Variants in MYO5C observed in about 807,000 individuals in gnomAD.
The protein encoded by MYO5C is myosin VC.
Under a neutral mutation model 235.7 loss-of-function variants are expected in MYO5C, and 194 were observed. The ratio of observed to expected loss-of-function variants is 0.82; its 90% CI spans 0.73 to 0.93. MYO5C has a LOEUF of 0.93. Among genes scored for constraint, MYO5C ranks in the 40% least tolerant of loss-of-function variants. The pLI is 0.00. For missense variants in MYO5C, 2,038 were observed against 2,127.2 expected (o/e 0.96, Z 0.82); for synonymous variants, 707 against 754.8 (o/e 0.94, Z 1.04).
chr15:52,264,707 A>T (rs2059427338), intron 8 of MYO5C, among the ~76,000 whole-genome samples: 1 of 152,240 alleles, frequency 6.6e-6, no homozygotes, highest in African/African-American at 2.4e-5. Flanking sequence ...TTGCCCCTCC[A>T]GATTCTCTGC....
intron 11 of MYO5C, 125 bp from the exon 12 acceptor site, chr15:52,253,582 C>A: frequency 1.1e-6 from 1 of 919,206 alleles, no homozygotes; most frequent in Non-Finnish European, 1.6e-6. Context: ...AAAAGAAGGA[C>A]CCTGAAGTAT....
At chr15:52,242,261 A>C (rs755804792) in intron 19 of MYO5C, 48 bp from the exon 20 acceptor site, 3 of 1,557,194 alleles carry the variant, frequency 1.9e-6, no homozygotes, top group Non-Finnish European at 2.6e-6. Flanking sequence ...CAGAGCATCA[A>C]CTTCCATAAC....
Position 52,218,633 on chromosome 15 carries a change from A to G in MYO5C, c.3840T>C (p.Asp1280=). Residue 1280 remains aspartate, a synonymous_variant, in exon 32 of 41, where the codon GAT becomes GAC. Transcript: ENST00000261839. ...IHTKEKEKLI[D]KIQEMQEASD... Reference sequence around the variant, plus strand: ...TGGCCTCCTGCATTTCTTGAATCTTATCAATCAGCTTCTCCTTCTCTTTGG... The same window carrying G: ...TGGCCTCCTGCATTTCTTGAATCTTGTCAATCAGCTTCTCCTTCTCTTTGG... 3.1e-6 allele frequency: 5 copies of G among 1,614,176 alleles called. No homozygotes were observed. The highest frequency in any genetic ancestry group is 4.2e-6 in the Non-Finnish European group (5 of 1,180,038).
intron 20 of MYO5C, 105 bp from the exon 21 acceptor site, chr15:52,239,984 T>C (rs2036176543): frequency 6.4e-6 from 8 of 1,241,710 alleles, no homozygotes; most frequent in Non-Finnish European, 8.8e-6. Flanking sequence ...AAAATGAGTT[T>C]CTTCTTGTCA....
Position 52,211,899 on chromosome 15 carries a change from G to C in MYO5C, c.4142-15C>G. ...GGGCTTCAAGTCTGAAGCAGAGAGA[G>C]CCAATGAGGATTACAGCTGACAGGT... On this transcript the variant is annotated splice_polypyrimidine_tract_variant and intron_variant, in intron 34 of 40. Transcript: ENST00000261839. 1 of 1,612,020 alleles carries C rather than the reference G, an allele frequency of 6.2e-7. No homozygotes were observed. The highest frequency in any genetic ancestry group is 8.5e-7 in the Non-Finnish European group (1 of 1,178,888).
intron 24 of MYO5C, among the ~76,000 whole-genome samples, chr15:52,232,339 A>AGGAAGG (rs1596168818): frequency 2.0e-5 from 3 of 151,692 alleles, no homozygotes; most frequent in South Asian, 4.2e-4. Flanking sequence ...GAGAGAAAGA[A>AGGAAGG]AGAAGAGAAA....
chr15:52,214,212 C>T (rs893172239), intron 33 of MYO5C, among the ~76,000 whole-genome samples: 5 of 152,190 alleles, frequency 3.3e-5, no homozygotes, highest in African/African-American at 1.2e-4. Flanking sequence ...AGGATGTCTG[C>T]TTCTTAGCTC....
In MYO5C at chr15:52,295,689, G is replaced by T. The variant is rs1596245443; in HGVS notation, c.-53C>A. 6 of 1,261,612 alleles carry T rather than the reference G, an allele frequency of 4.8e-6. No homozygotes were observed. Among genetic ancestry groups the T allele is most frequent in the African/African-American group, 4.7e-5 (3 of 63,854 alleles). 78.2% of individuals were successfully genotyped at this position (1,261,612 alleles called of 1,614,324 possible). On this transcript the variant is annotated 5_prime_UTR_variant, in exon 1 of 41. Coordinates refer to ENST00000261839, the MANE Select transcript of MYO5C (RefSeq NM_018728.4). ...GGCTGCCGAACGTGCGAGGCTCGGG[G>T]GCTGGGCCTGCGCCGCAGAGGCCGG...
In MYO5C at chr15:52,232,667, G is replaced by T. The variant is rs752562016; in HGVS notation, c.2981C>A (p.Thr994Asn). Reference protein sequence around the residue: ...EELKEKMDNLTKQLFDDVQKE... With the variant: ...EELKEKMDNLNKQLFDDVQKE... ...TTGTACATCATCAAAGAGCTGCTTG[G>T]TGAGGTTGTCCATTTTTTCTGTAAA... Residue 994 changes from threonine (T) to asparagine (N), a missense_variant, in exon 24 of 41, where the codon ACC (threonine) becomes AAC (asparagine). Transcript: ENST00000261839. The T allele has an allele frequency of 6.2e-7, 1 of 1,613,656 alleles. No homozygotes were observed. The highest frequency in any genetic ancestry group is 1.7e-5 in the Admixed American group (1 of 59,946).
Position 52,232,751 on chromosome 15 carries a change from G to A in MYO5C, c.2963-66C>T, listed in dbSNP as rs546181981. ...CAATGCCTTGATTGTTTCATGTTATGTTTAAGAAAGTGAGAATGTCAGGAC... is the reference window on the plus strand; with the variant it reads ...CAATGCCTTGATTGTTTCATGTTATATTTAAGAAAGTGAGAATGTCAGGAC... On this transcript the variant is annotated intron_variant, in intron 23 of 40. Transcript: ENST00000261839. The A allele has an allele frequency of 1.2e-5, 17 of 1,361,426 alleles. No individual in the cohort carries two copies. In the East Asian group the frequency reaches 3.4e-4, roughly 28 times the overall value. The allele number at this position is 1,361,426 out of a possible 1,614,324, so 84.3% of individuals were successfully genotyped here.
chr15:52,227,878 TA>T (rs2035864056), intron 25 of MYO5C, among the ~76,000 whole-genome samples: 1 of 152,230 alleles, frequency 6.6e-6, no homozygotes, highest in African/African-American at 2.4e-5. Flanking sequence ...TTACAGAGAC[TA>T]TTTCCATAAT....
At position 52,221,367 on chromosome 15, in the gene MYO5C, G is replaced by A. The variant is rs377442574; in HGVS notation, c.3628-112C>T. The stretch of plus-strand genomic sequence containing the variant: ...TGTTCAGCCTGCAGAACAGATAGCT[G>A]TGTAAAAGAGCTAGCCACGACATTA... On this transcript the variant is annotated intron_variant, in intron 29 of 40. Transcript: ENST00000261839. 433 of 713,658 alleles carry A rather than the reference G, an allele frequency of 6.1e-4. 2 individuals are homozygous for A. The highest frequency in any genetic ancestry group is 6.9e-4 in the Non-Finnish European group (306 of 446,678). 44.2% of individuals were successfully genotyped at this position (713,658 alleles called of 1,614,324 possible).
chr15:52,211,644 A>G (rs2035442712), intron 35 of MYO5C, 86 bp downstream of exon 35: 5 of 1,432,440 alleles, frequency 3.5e-6, no homozygotes, highest in Non-Finnish European at 4.8e-6. Context: ...TCACCACACA[A>G]TGGAGGCTCA....
intron 32 of MYO5C, among the ~76,000 whole-genome samples, chr15:52,216,959 A>G (rs2035569177): frequency 6.6e-6 from 1 of 152,156 alleles, no homozygotes; most frequent in Non-Finnish European, 1.5e-5. Flanking sequence ...AAGCTGGGAG[A>G]GGCAAGGAAG....
intron 1 of MYO5C, among the ~76,000 whole-genome samples, chr15:52,286,654 C>G (rs2037281105): frequency 6.6e-6 from 1 of 152,118 alleles, no homozygotes. Context: ...CAACCCTGTG[C>G]TCTCTGAAAC....
At chr15:52,278,535 G>A (rs140460433) in intron 4 of MYO5C, among the ~76,000 whole-genome samples, 142 of 148,558 alleles carry the variant, frequency 9.6e-4, no homozygotes, top group Non-Finnish European at 1.8e-3. Flanking sequence ...TTCCTGCAAT[G>A]GGTAAAAAAA....
At chr15:52,253,280 T>G in intron 12 of MYO5C, 37 bp downstream of exon 12, 5 of 1,592,312 alleles carry the variant, frequency 3.1e-6, no homozygotes, top group Non-Finnish European at 3.4e-6. Flanking sequence ...CTGTTACTAC[T>G]TAAAAGCTGA....
chr15:52,274,669 T>TTCC (rs2036999596), intron 5 of MYO5C, among the ~76,000 whole-genome samples: 1 of 119,992 alleles, frequency 8.3e-6, no homozygotes. Flanking sequence ...TGTTTCTTAG[T>TTCC]ACCCCCCCCC....
intron 15 of MYO5C, 86 bp from the exon 16 acceptor site, chr15:52,247,100 T>C (rs2036365812): frequency 1.7e-6 from 2 of 1,176,236 alleles, no homozygotes; most frequent in Admixed American, 2.1e-5. Context: ...CCTTGTTAAG[T>C]TACTCAATAG....
Sources: gnomAD v4.1 joint callset for allele counts (sites outside exome capture counted in the v4.1 genomes callset) on GRCh38, gnomAD v4.1.1 for gene constraint, MANE v1.5 for transcripts, NCBI Gene and HGNC (gene_info 2026-07-23, HGNC 2026-07-21) for gene names.